The following MBNL2 variants were observed in gnomAD, a reference collection of about 807,000 sequenced individuals.
MBNL2 encodes the protein muscleblind like splicing regulator 2, also known as muscleblind-like protein 2.
Under a neutral mutation model 41.9 loss-of-function variants are expected in MBNL2, and 17 were observed. That is an observed-to-expected ratio of 0.41 (90% CI 0.28 to 0.61). The LOEUF is 0.61. Ranked by LOEUF, MBNL2 falls within the 20% of genes least tolerant of loss-of-function variation. The pLI, the probability that MBNL2 is intolerant of heterozygous loss-of-function variation, is 0.35. For missense variants in MBNL2, 336 were observed against 505.6 expected (o/e 0.66, Z 3.22); for synonymous variants, 195 against 182.9 (o/e 1.07, Z -0.53).
At chr13:97,214,499 T>C in the MBNL2 span, among the ~76,000 whole-genome samples, 1 of 152,190 alleles carries the variant, frequency 6.6e-6, no homozygotes, top group Non-Finnish European at 1.5e-5. Context: ...CAGTAAATGC[T>C]CCAGAAACAA....
Position 97,340,847 on chromosome 13 carries a change from A to C in MBNL2, c.340-2169A>C, listed in dbSNP as rs551101182. On this transcript the variant is annotated intron_variant, in intron 3 of 8. Coordinates refer to ENST00000679496, the MANE Select transcript of MBNL2 (RefSeq NM_001382683.1). ...ATGAACAAGTGACATATATTTTTGA[A>C]GACAAAAGTTACCTAATTGGAATAG... Among the ~76,000 whole-genome samples, 62 of 152,354 alleles carry C rather than the reference A, an allele frequency of 4.1e-4. 1 individual carries two copies. In the South Asian group the frequency reaches 0.012, roughly 29 times the overall value.
the MBNL2 span, among the ~76,000 whole-genome samples, chr13:97,158,431 C>T: frequency 2.6e-3 from 397 of 152,294 alleles, no homozygotes; most frequent in Middle Eastern, 6.8e-3. Context: ...TTCTTGCCTT[C>T]TGCTAGCTTT....
intron 2 of MBNL2, among the ~76,000 whole-genome samples, chr13:97,295,979 C>T (rs1004609849): frequency 6.6e-6 from 1 of 152,148 alleles, no homozygotes; most frequent in Non-Finnish European, 1.5e-5. Context: ...CTATAAAGAG[C>T]TGCTTTATAT....
chr13:97,213,369 A>G, the MBNL2 span, among the ~76,000 whole-genome samples: 3 of 152,184 alleles, frequency 2.0e-5, no homozygotes, highest in Non-Finnish European at 4.4e-5. Context: ...CCCCAAGAAC[A>G]CCATACTAGT....
the MBNL2 span, among the ~76,000 whole-genome samples, chr13:97,193,500 C>A: frequency 6.6e-6 from 1 of 152,162 alleles, no homozygotes. Context: ...TGCAGCTGAA[C>A]TGAGTTTGCA....
intron 4 of MBNL2, among the ~76,000 whole-genome samples, chr13:97,343,861 C>G (rs1445237139): frequency 6.6e-6 from 1 of 152,196 alleles, no homozygotes; most frequent in African/African-American, 2.4e-5. Context: ...GGCTGGAGTG[C>G]AATGGTGCAA....
chr13:97,318,424 A>T (rs911897617), intron 2 of MBNL2, among the ~76,000 whole-genome samples: 1 of 152,302 alleles, frequency 6.6e-6, no homozygotes, highest in Non-Finnish European at 1.5e-5. Flanking sequence ...TCTGTCAAAT[A>T]GGGATATTAA....
intron 1 of MBNL2, among the ~76,000 whole-genome samples, chr13:97,262,564 A>G (rs1290456453): frequency 1.3e-5 from 2 of 152,134 alleles, no homozygotes; most frequent in African/African-American, 4.8e-5. Context: ...CTAGATGTAT[A>G]CAAATAAATC....
the MBNL2 span, among the ~76,000 whole-genome samples, chr13:97,144,528 C>G: frequency 6.7e-6 from 1 of 149,372 alleles, no homozygotes; most frequent in Non-Finnish European, 1.5e-5. Flanking sequence ...CTCCCGGGTT[C>G]AAGCAATTCT....
intron 5 of MBNL2, 75 bp downstream of exon 5, chr13:97,347,142 C>T: frequency 2.7e-6 from 3 of 1,128,350 alleles, no homozygotes; most frequent in Non-Finnish European, 3.6e-6. Context: ...CTTGGATGTT[C>T]TTCCAAACAC....
chr13:97,297,796 T>C (rs779688421), intron 2 of MBNL2, among the ~76,000 whole-genome samples: 105 of 152,224 alleles, frequency 6.9e-4, no homozygotes, highest in African/African-American at 2.5e-3. Context: ...GAGGTCTGAA[T>C]GCAGTTGCAG....
chr13:97,249,312 T>C (rs2046081716), intron 1 of MBNL2, among the ~76,000 whole-genome samples: 1 of 152,226 alleles, frequency 6.6e-6, no homozygotes, highest in South Asian at 2.1e-4. Context: ...TTTGACCTAT[T>C]GTTCAGTTTT....
At chr13:97,170,559 C>G in the MBNL2 span, among the ~76,000 whole-genome samples, 1 of 152,062 alleles carries the variant, frequency 6.6e-6, no homozygotes, top group Admixed American at 6.6e-5. Context: ...GCAGTGGGTG[C>G]TTGCTGCTGA....
chr13:97,389,737 A>AAAGG (rs1340894252), intron 8 of MBNL2, among the ~76,000 whole-genome samples: 2 of 151,360 alleles, frequency 1.3e-5, no homozygotes, highest in Admixed American at 1.3e-4. Flanking sequence ...AGAAAGAAAG[A>AAAGG]AACTGCAATT....
At chr13:97,269,655 A>T (rs1234770547) in intron 1 of MBNL2, among the ~76,000 whole-genome samples, 1 of 152,180 alleles carries the variant, frequency 6.6e-6, no homozygotes, top group Non-Finnish European at 1.5e-5. Context: ...CAGCAGCTGG[A>T]GGAAGAAAGC....
At chr13:97,172,320 G>A in the MBNL2 span, 1 of 152,110 alleles carries the variant, frequency 6.6e-6, no homozygotes, top group Admixed American at 6.5e-5. Context: ...TTGTTCTCCA[G>A]GTAAAGTGCT....
intron 2 of MBNL2, among the ~76,000 whole-genome samples, chr13:97,293,169 T>C (rs757510228): frequency 2.0e-5 from 3 of 152,276 alleles, no homozygotes; most frequent in African/African-American, 7.2e-5. Flanking sequence ...TAATTCTTTT[T>C]TCGTTGAAGT....
chr13:97,228,529 C>CTTT (rs5806008), intron 1 of MBNL2, among the ~76,000 whole-genome samples: 41 of 128,082 alleles, frequency 3.2e-4, no homozygotes, highest in Admixed American at 5.0e-4. Flanking sequence ...TATTTATTAT[C>CTTT]TTTTTTTTTT....
rs2066402619 is a variant in MBNL2 at position 97,392,109 on chromosome 13, G to A, written c.*660G>A. 6.6e-6 allele frequency: 1 copy of A among 152,612 alleles called. No individual in the cohort carries two copies. The highest frequency in any genetic ancestry group is 2.4e-5 in the African/African-American group (1 of 41,454). 9.5% of individuals were successfully genotyped at this position (152,612 alleles called of 1,614,324 possible). On this transcript the variant is annotated 3_prime_UTR_variant, in exon 9 of 9. Transcript: ENST00000679496. ...ATTATTTTACAAGTATATTTTTAAA[G>A]TTGTTTTATAAGAGAGACTTTGTAG...
Sources: gnomAD v4.1 joint callset for allele counts (sites outside exome capture counted in the v4.1 genomes callset) on GRCh38, gnomAD v4.1.1 for gene constraint, MANE v1.5 for transcripts, NCBI Gene and HGNC (gene_info 2026-07-23, HGNC 2026-07-21) for gene names.